ZC3H12B: variants seen among roughly 807,000 people sequenced by gnomAD.
ZC3H12B encodes probable ribonuclease ZC3H12B.
In ZC3H12B, 7 loss-of-function variants were observed where a neutral mutation model predicts 43.9. The ratio of observed to expected loss-of-function variants is 0.16; its 90% confidence interval spans 0.09 to 0.30. The LOEUF (loss-of-function observed/expected upper bound fraction) is 0.30, where lower values mean the gene tolerates loss of function less well. Ranked by LOEUF, ZC3H12B falls within the 10% of genes least tolerant of loss-of-function variation. ZC3H12B has a pLI of 1.00. For missense variants in ZC3H12B, 475 were observed against 670.2 expected (o/e 0.71, Z 3.22); for synonymous variants, 222 against 241.7 (o/e 0.92, Z 0.76).
chrX:65,096,332 A>G, the ZC3H12B span, among the ~76,000 whole-genome samples: 1 of 111,409 alleles, frequency 9.0e-6, no homozygotes, highest in East Asian at 2.8e-4. Flanking sequence ...TTACCTATGT[A>G]ACAAACCTGC....
At chrX:65,186,269 A>G in the ZC3H12B span, 9 of 110,624 alleles carry the variant, frequency 8.1e-5, no homozygotes, top group East Asian at 1.7e-3. Context: ...AGGTGGGTGG[A>G]TCACTTGAGG....
At chrX:65,172,252 T>C in the ZC3H12B span, among the ~76,000 whole-genome samples, 3 of 112,710 alleles carry the variant, frequency 2.7e-5, no homozygotes, top group Non-Finnish European at 5.6e-5. Context: ...AAGTGTCTGT[T>C]CATATCCTTT....
At chrX:65,256,788 C>A in the ZC3H12B span, among the ~76,000 whole-genome samples, 3 of 111,330 alleles carry the variant, frequency 2.7e-5, no homozygotes, top group African/African-American at 6.5e-5. Flanking sequence ...AGACTGCCAG[C>A]AAGGATATGA....
chrX:65,419,526 A>G (rs1253832937), intron 3 of ZC3H12B, among the ~76,000 whole-genome samples: 1 of 111,643 alleles, frequency 9.0e-6, no homozygotes, highest in Non-Finnish European at 1.9e-5. Context: ...CAAATTGAAT[A>G]GGGTAGGAAG....
intron 3 of ZC3H12B, among the ~76,000 whole-genome samples, chrX:65,448,909 G>T (rs1329172163): frequency 3.0e-5 from 2 of 65,634 alleles, no homozygotes. Context: ...GAGAGAGAAA[G>T]AGAGAAAGGA....
the ZC3H12B span, among the ~76,000 whole-genome samples, chrX:65,057,206 T>C: frequency 8.9e-6 from 1 of 112,127 alleles, no homozygotes; most frequent in Non-Finnish European, 1.9e-5. Context: ...TGGCATGTTT[T>C]TGCAGTGGCT....
At chrX:65,122,180 G>A in the ZC3H12B span, among the ~76,000 whole-genome samples, 1 of 111,187 alleles carries the variant, frequency 9.0e-6, no homozygotes, top group Non-Finnish European at 1.9e-5. Flanking sequence ...GTGCAGAGCT[G>A]AGTTCAATTC....
chrX:65,230,568 A>C, the ZC3H12B span, among the ~76,000 whole-genome samples: 1 of 108,437 alleles, frequency 9.2e-6, no homozygotes, highest in African/African-American at 3.4e-5. Context: ...ATCACCAGTA[A>C]AGGACTTATT....
chrX:65,213,803 G>A, the ZC3H12B span, among the ~76,000 whole-genome samples: 2 of 108,846 alleles, frequency 1.8e-5, no homozygotes, highest in Non-Finnish European at 3.8e-5. Context: ...GCATACCTTA[G>A]GGATATTGCA....
chrX:65,238,041 T>G, the ZC3H12B span, among the ~76,000 whole-genome samples: 1 of 111,411 alleles, frequency 9.0e-6, no homozygotes, highest in Non-Finnish European at 1.9e-5. Flanking sequence ...CTCTTTCAGG[T>G]TTTGATATCA....
the ZC3H12B span, among the ~76,000 whole-genome samples, chrX:65,199,691 G>T: frequency 2.7e-5 from 3 of 110,384 alleles, no homozygotes; most frequent in East Asian, 2.9e-4. Flanking sequence ...GTGGGAACAT[G>T]CAGTGTCTGG....
intron 2 of ZC3H12B, among the ~76,000 whole-genome samples, chrX:65,379,228 C>G (rs1380527616): frequency 8.9e-6 from 1 of 111,753 alleles, no homozygotes; most frequent in Admixed American, 9.5e-5. Context: ...TTGAAGAGAG[C>G]AGTGGTTCTC....
the ZC3H12B span, among the ~76,000 whole-genome samples, chrX:65,147,761 G>T: frequency 9.0e-6 from 1 of 110,980 alleles, no homozygotes; most frequent in African/African-American, 3.3e-5. Context: ...CTGGAGTCTG[G>T]GGCCATGGAG....
At chrX:65,314,720 C>T in the ZC3H12B span, among the ~76,000 whole-genome samples, 2 of 111,053 alleles carry the variant, frequency 1.8e-5, no homozygotes, top group Non-Finnish European at 3.8e-5. Flanking sequence ...TGAAGAGCAA[C>T]AGAAATGGTA....
chrX:65,273,324 C>T, the ZC3H12B span, among the ~76,000 whole-genome samples: 2 of 110,794 alleles, frequency 1.8e-5, no homozygotes, highest in Non-Finnish European at 3.8e-5. Flanking sequence ...GAAAAATTCA[C>T]TAGAGAGTTT....
the ZC3H12B span, among the ~76,000 whole-genome samples, chrX:65,183,467 CTCA>C: frequency 9.0e-6 from 1 of 111,230 alleles, no homozygotes; most frequent in East Asian, 2.8e-4. Flanking sequence ...GGGTACTATA[CTCA>C]TCATCTGAGT....
At chrX:65,098,195 T>A in the ZC3H12B span, among the ~76,000 whole-genome samples, 1 of 105,547 alleles carries the variant, frequency 9.5e-6, no homozygotes, top group Non-Finnish European at 1.9e-5. Flanking sequence ...TGACCCATAG[T>A]TATAAATGCA....
chrX:65,154,915 G>A, the ZC3H12B span, among the ~76,000 whole-genome samples: 1 of 110,764 alleles, frequency 9.0e-6, no homozygotes, highest in African/African-American at 3.3e-5. Context: ...GTTTTTAAAT[G>A]GTTATTATCT....
At chrX:65,058,324 A>G in the ZC3H12B span, among the ~76,000 whole-genome samples, 1 of 112,008 alleles carries the variant, frequency 8.9e-6, no homozygotes. Context: ...CAGGTGTGTT[A>G]GAGTGCTGGA....
Sources: gnomAD v4.1 joint callset for allele counts (sites outside exome capture counted in the v4.1 genomes callset) on GRCh38, gnomAD v4.1.1 for gene constraint, MANE v1.5 for transcripts, NCBI Gene and HGNC (gene_info 2026-07-23, HGNC 2026-07-21) for gene names.